Variants in JADE1 observed in about 807,000 individuals in gnomAD.
JADE1 encodes the protein jade family PHD finger 1, also known as protein Jade-1.
Under a neutral mutation model 81.8 loss-of-function variants are expected in JADE1, and 14 were observed. That is an observed-to-expected ratio of 0.17 (90% CI 0.11 to 0.27). The LOEUF (loss-of-function observed/expected upper bound fraction) is 0.27. Ranked by LOEUF, JADE1 falls within the 10% of genes least tolerant of loss-of-function variation. The pLI, the probability that JADE1 is intolerant of heterozygous loss-of-function variation, is 1.00. For missense variants in JADE1, 690 were observed against 1,047.9 expected (o/e 0.66, Z 4.71); for synonymous variants, 353 against 391.9 (o/e 0.90, Z 1.17).
chr4:128,838,602 G>C (rs1253580756), intron 2 of JADE1, among the ~76,000 whole-genome samples: 1 of 152,138 alleles, frequency 6.6e-6, no homozygotes. Flanking sequence ...TAATAAGTGC[G>C]TGATGTTTTG....
At position 128,849,319 on chromosome 4, in the gene JADE1, T is replaced by G. The variant is rs536668083; in HGVS notation, c.484+152T>G. The G allele has an allele frequency of 6.5e-5, 43 of 662,212 alleles. No individual in the cohort carries two copies. In the South Asian group the frequency reaches 8.7e-4, roughly 13 times the overall value. The allele number at this position is 662,212 out of a possible 1,614,324, so 41.0% of individuals were successfully genotyped here. On this transcript the variant is annotated intron_variant, in intron 5 of 10. Coordinates refer to ENST00000226319, the MANE Select transcript of JADE1 (RefSeq NM_199320.4). ...GAGAATCGCAGCCCTGCCTTAGATC[T>G]CAGCCTGTTTGGCTGTGTCAGATGT...
At chr4:128,821,818 A>G (rs1186735165) in intron 1 of JADE1, among the ~76,000 whole-genome samples, 1 of 152,098 alleles carries the variant, frequency 6.6e-6, no homozygotes, top group African/African-American at 2.4e-5. Context: ...CACCATGCCC[A>G]GCCTGTGTAT....
At chr4:128,867,118 G>A (rs1731838882) in intron 9 of JADE1, among the ~76,000 whole-genome samples, 1 of 152,144 alleles carries the variant, frequency 6.6e-6, no homozygotes, top group Non-Finnish European at 1.5e-5. Context: ...CAAGCGAATC[G>A]GGAGAGGGCA....
chr4:128,824,715 A>G (rs912147950), intron 1 of JADE1, among the ~76,000 whole-genome samples: 2 of 152,238 alleles, frequency 1.3e-5, no homozygotes, highest in African/African-American at 2.4e-5. Context: ...ATAGTATTGC[A>G]TTGGGTGATA....
chr4:128,855,486 G>C, intron 6 of JADE1, 144 bp from the exon 7 acceptor site: 1 of 831,266 alleles, frequency 1.2e-6, no homozygotes, highest in South Asian at 2.4e-5. Context: ...GGAGACGGTC[G>C]TAGCCAGGAA....
In JADE1 at chr4:128,851,964, C is replaced by T. The variant is rs1560761488; in HGVS notation, c.485-93C>T. ...ATTGTACAATTATTTATTCATTATA[C>T]ATTATTTTTAAGTATAAATAAACCA... On this transcript the variant is annotated intron_variant, in intron 5 of 10. Coordinates refer to ENST00000226319, the MANE Select transcript of JADE1 (RefSeq NM_199320.4). 3 of 779,306 alleles carry T rather than the reference C, an allele frequency of 3.8e-6. No individual in the cohort carries two copies. In the East Asian group the frequency reaches 8.1e-5, roughly 21 times the overall value. The allele number at this position is 779,306 out of a possible 1,614,324, so 48.3% of individuals were successfully genotyped here.
rs775483821 is a variant in JADE1 at position 128,871,890 on chromosome 4, C to T, written c.2157C>T (p.Pro719=). 2 of 1,614,080 alleles carry T rather than the reference C, an allele frequency of 1.2e-6. No homozygotes were observed. The highest frequency in any genetic ancestry group is 1.7e-5 in the Admixed American group (1 of 60,020). Residue 719 remains proline, a synonymous_variant, in exon 11 of 11, where the codon CCC becomes CCT. Coordinates refer to ENST00000226319, the MANE Select transcript of JADE1 (RefSeq NM_199320.4). The surrounding 1 kb of genome is among the most constrained non-coding windows in gnomAD (Gnocchi z 4.1). ...CTGGCACAAGGAAGGAGATAGTGCC[C>T]AAGTGCAATGGCTCCCTAATCAAAG... The part of the protein sequence containing the change: ...SAPGTRKEIV[P]KCNGSLIKVN...
chr4:128,827,477 C>T, intron 1 of JADE1, among the ~76,000 whole-genome samples: 1 of 152,278 alleles, frequency 6.6e-6, no homozygotes, highest in South Asian at 2.1e-4. Context: ...TGAAAGTAAG[C>T]AGAGTGTTCA....
intron 2 of JADE1, among the ~76,000 whole-genome samples, chr4:128,836,904 A>G (rs905976799): frequency 3.3e-5 from 5 of 151,982 alleles, no homozygotes; most frequent in African/African-American, 1.2e-4. Flanking sequence ...CAGCATCTTT[A>G]TATATATGTA....
At chr4:128,862,257 T>C in intron 9 of JADE1, 32 bp downstream of exon 9, 1 of 1,612,600 alleles carries the variant, frequency 6.2e-7, no homozygotes, top group Non-Finnish European at 8.5e-7. Flanking sequence ...TTATAGTGAC[T>C]TAGAGAAGAA....
chr4:128,834,495 T>A (rs1232637427), intron 2 of JADE1, among the ~76,000 whole-genome samples: 6 of 151,826 alleles, frequency 4.0e-5, no homozygotes, highest in Admixed American at 2.0e-4. Flanking sequence ...GGGGGTACAA[T>A]TCAGCCCATA....
chr4:128,815,159 C>CTGTAAGCTCCGCCTCCG (rs1726903754), intron 1 of JADE1, among the ~76,000 whole-genome samples: 2 of 151,938 alleles, frequency 1.3e-5, no homozygotes, highest in Non-Finnish European at 2.9e-5. Flanking sequence ...CTCCGCCTCC[C>CTGTAAGCTCCGCCTCCG]TGTAAGCTCC....
intron 10 of JADE1, among the ~76,000 whole-genome samples, chr4:128,870,911 C>T (rs1273665853): frequency 6.6e-6 from 1 of 152,170 alleles, no homozygotes; most frequent in Non-Finnish European, 1.5e-5. Context: ...AACTTACAAG[C>T]CCCGAGCCCT....
chr4:128,821,979 G>A (rs1727615368), intron 1 of JADE1, among the ~76,000 whole-genome samples: 1 of 152,158 alleles, frequency 6.6e-6, no homozygotes, highest in Non-Finnish European at 1.5e-5. Context: ...GCAAATAGGG[G>A]ATAATAGCAT....
At chr4:128,824,945 T>G (rs1034190449) in intron 1 of JADE1, among the ~76,000 whole-genome samples, 17 of 152,214 alleles carry the variant, frequency 1.1e-4, no homozygotes, top group South Asian at 6.2e-4. Context: ...AGTAAGTAAT[T>G]CTAGTAACTG....
intron 1 of JADE1, 43 bp downstream of exon 1, chr4:128,809,920 GCGCGTGTGTCCGCGCGTGTC>G (rs1726183880): frequency 6.8e-6 from 1 of 146,372 alleles, no homozygotes; most frequent in Non-Finnish European, 1.5e-5. Flanking sequence ...TGGGCGCGCC[GCGCGTGTGTCCGCGCGTGTC>G]CGCGTGTGGG....
At chr4:128,839,961 C>CT (rs1161442056) in intron 2 of JADE1, among the ~76,000 whole-genome samples, 2 of 152,156 alleles carry the variant, frequency 1.3e-5, no homozygotes, top group Non-Finnish European at 2.9e-5. Flanking sequence ...ATTAATTTTG[C>CT]TTTTCCTTCT....
intron 9 of JADE1, among the ~76,000 whole-genome samples, chr4:128,867,266 T>C (rs1731850245): frequency 6.6e-6 from 1 of 152,176 alleles, no homozygotes; most frequent in Non-Finnish European, 1.5e-5. Context: ...TCCAGGCCTT[T>C]CAGTGAGTTC....
At chr4:128,857,284 T>C in intron 7 of JADE1, 54 bp from the exon 8 acceptor site, 1 of 1,296,516 alleles carries the variant, frequency 7.7e-7, no homozygotes, top group East Asian at 2.3e-5. Context: ...CTGACATTCA[T>C]GTTCAGCCTT....
Sources: allele counts gnomAD v4.1 joint callset (sites outside exome capture counted in the v4.1 genomes callset), GRCh38; gene constraint gnomAD v4.1.1; non-coding constraint Gnocchi (gnomAD v3.1); transcripts MANE v1.5; gene names NCBI Gene and HGNC (gene_info 2026-07-23, HGNC 2026-07-21).